Variants in PLEKHA8 observed in about 807,000 individuals in gnomAD.
The protein encoded by PLEKHA8 is pleckstrin homology domain containing A8.
Under a neutral mutation model 68.2 loss-of-function variants are expected in PLEKHA8, and 36 were observed. That is an observed-to-expected ratio of 0.53 (90% CI 0.40 to 0.70). PLEKHA8 has a LOEUF of 0.70. Among genes scored for constraint, PLEKHA8 ranks in the 30% least tolerant of loss-of-function variants. PLEKHA8 has a pLI of 0.00. For synonymous variants in PLEKHA8, 211 were observed against 216.1 expected (o/e 0.98, Z 0.20); for missense variants, 505 against 615.4 (o/e 0.82, Z 1.90).
chr7:30,048,017 A>G lies in PLEKHA8; in HGVS notation c.438+61A>G, dbSNP rs978134455. The G allele has an allele frequency of 4.2e-6, 4 of 949,818 alleles. No homozygotes were observed. The African/African-American group carries it at 5.2e-5, about 12-fold the overall frequency. The allele number at this position is 949,818 out of a possible 1,614,324, so 58.8% of individuals were successfully genotyped here. On this transcript the variant is annotated intron_variant, in intron 4 of 13. Coordinates refer to ENST00000449726, the MANE Select transcript of PLEKHA8 (RefSeq NM_001197026.2). ...GAATAATATAAAAGAAGTGACTACC[A>G]GTATATCCAATTCTGAGGTAAAATA...
chr7:30,118,176 A>G (rs1284318824), intron 13 of PLEKHA8: 1 of 550,882 alleles, frequency 1.8e-6, no homozygotes, highest in East Asian at 3.4e-5. Context: ...GGAGAGAAGG[A>G]AGTATGTGAG....
chr7:30,102,767 C>A (rs1044981778), intron 13 of PLEKHA8, among the ~76,000 whole-genome samples: 2 of 152,150 alleles, frequency 1.3e-5, no homozygotes, highest in African/African-American at 2.4e-5. Context: ...CCAGAGGGCA[C>A]CCAGGTGTGG....
At chr7:30,125,073 T>C (rs775384058) in intron 13 of PLEKHA8, among the ~76,000 whole-genome samples, 38 of 152,224 alleles carry the variant, frequency 2.5e-4, no homozygotes, top group Non-Finnish European at 4.9e-4. Flanking sequence ...AATTAGGATA[T>C]CTTTTACACC....
chr7:30,070,251 A>G (rs1794147125), intron 12 of PLEKHA8, among the ~76,000 whole-genome samples: 2 of 152,040 alleles, frequency 1.3e-5, no homozygotes, highest in South Asian at 2.1e-4. Context: ...TCTGGCCCAC[A>G]TTTTGCCAGG....
rs1795088771 is a variant in PLEKHA8 at position 30,084,338 on chromosome 7, C to T, written c.*5551C>T. On this transcript the variant is annotated 3_prime_UTR_variant, in exon 14 of 14. Transcript: ENST00000449726. ...ACGTGCAGTGTTAATGTTACCTGTT[C>T]TTGTCTCTCAGCATTTTGAATGAGC... 1.0e-6 allele frequency: 1 copy of T among 985,212 alleles called. No individual in the cohort carries two copies. The highest frequency in any genetic ancestry group is 4.7e-5 in the South Asian group (1 of 21,294). 61.0% of individuals were successfully genotyped at this position (985,212 alleles called of 1,614,324 possible).
At chr7:30,028,885 T>TAGGG in intron 1 of PLEKHA8, 83 bp downstream of exon 1, 5 of 1,220,264 alleles carry the variant, frequency 4.1e-6, no homozygotes, top group Non-Finnish European at 5.2e-6. Flanking sequence ...GGACCCGTCT[T>TAGGG]AGGGAGGGGG....
intron 12 of PLEKHA8, among the ~76,000 whole-genome samples, chr7:30,067,760 T>C (rs1332263834): frequency 1.3e-5 from 2 of 152,244 alleles, no homozygotes; most frequent in Non-Finnish European, 2.9e-5. Context: ...CTTCACTCAG[T>C]ATTTTCAGAC....
intron 2 of PLEKHA8, 110 bp downstream of exon 2, chr7:30,045,311 C>G (rs1408743892): frequency 1.3e-6 from 1 of 758,302 alleles, no homozygotes; most frequent in East Asian, 2.6e-5. Context: ...TAATACAGAC[C>G]AAGGGACATA....
At chr7:30,036,448 A>C (rs1791099978) in intron 1 of PLEKHA8, among the ~76,000 whole-genome samples, 1 of 150,434 alleles carries the variant, frequency 6.6e-6, no homozygotes, top group Non-Finnish European at 1.5e-5. Flanking sequence ...AGATAGATAG[A>C]TAGATAGATA....
chr7:30,054,776 G>A lies in PLEKHA8; in HGVS notation c.864G>A (p.Gln288=), dbSNP rs142745593. 2.4e-5 allele frequency: 38 copies of A among 1,610,436 alleles called. No homozygotes were observed. The African/African-American group carries it at 4.3e-4, about 18-fold the overall frequency. ...AAAATCATGACAATAACTTGACTCA[G>A]TCTGGATCAGACTCAAGTTGCTCTC... ...NLKNHDNNLT[Q]SGSDSSCSPE... Residue 288 remains glutamine, a synonymous_variant, in exon 8 of 14, where the codon CAG becomes CAA. Coordinates refer to ENST00000449726, the MANE Select transcript of PLEKHA8 (RefSeq NM_001197026.2).
At chr7:30,128,091 A>ATTTTTTTT (rs35173428) in intron 13 of PLEKHA8, among the ~76,000 whole-genome samples, 4 of 122,718 alleles carry the variant, frequency 3.3e-5, no homozygotes, top group Non-Finnish European at 3.4e-5. Flanking sequence ...GTTTTACTGT[A>ATTTTTTTT]TTTTTTTTTT....
intron 12 of PLEKHA8, among the ~76,000 whole-genome samples, chr7:30,067,901 T>G (rs1166829399): frequency 1.3e-5 from 2 of 152,232 alleles, no homozygotes; most frequent in African/African-American, 4.8e-5. Flanking sequence ...GATTACAGAT[T>G]TTCACCATTA....
rs1792224901 is a variant in PLEKHA8 at position 30,049,361 on chromosome 7, G to A, written c.576G>A (p.Leu192=). 1 of 1,614,042 alleles carries A rather than the reference G, an allele frequency of 6.2e-7. No individual in the cohort carries two copies. Among genetic ancestry groups the A allele is most frequent in the African/African-American group, 1.3e-5 (1 of 75,044 alleles). Residue 192 remains leucine, a synonymous_variant, in exon 5 of 14, where the codon CTG becomes CTA. Transcript: ENST00000449726. ...GCACTCCACCAGGATCACCTCAGCT[G>A]GCCATGCTCAAGTCCAGCAAGGTAA... The part of the protein sequence containing the change: ...LYRTPPGSPQ[L]AMLKSSKMKH...
At chr7:30,098,155 G>A (rs533872961) in intron 13 of PLEKHA8, among the ~76,000 whole-genome samples, 1 of 152,218 alleles carries the variant, frequency 6.6e-6, no homozygotes, top group Non-Finnish European at 1.5e-5. Context: ...TTGGTGAACC[G>A]CAAACGCTGC....
intron 1 of PLEKHA8, among the ~76,000 whole-genome samples, chr7:30,033,209 G>C (rs1790795456): frequency 6.6e-6 from 1 of 152,064 alleles, no homozygotes; most frequent in African/African-American, 2.4e-5. Context: ...AGTGATTTTA[G>C]TATATATAAA....
At chr7:30,093,063 A>G (rs979359729), downstream of PLEKHA8, among the ~76,000 whole-genome samples, 4 of 152,186 alleles carry the variant, frequency 2.6e-5, no homozygotes, top group African/African-American at 9.7e-5. Context: ...TTTTCTCTCA[A>G]TGCTTTCCTC....
At chr7:30,059,207 A>T (rs1164360401) in intron 9 of PLEKHA8, among the ~76,000 whole-genome samples, 1 of 152,242 alleles carries the variant, frequency 6.6e-6, no homozygotes, top group East Asian at 1.9e-4. Flanking sequence ...AGAATGTTCT[A>T]TCTAGTTTTT....
intron 9 of PLEKHA8, among the ~76,000 whole-genome samples, chr7:30,058,796 A>G (rs1210612000): frequency 6.6e-6 from 1 of 152,218 alleles, no homozygotes; most frequent in Non-Finnish European, 1.5e-5. Flanking sequence ...AGATTACATT[A>G]TATCTCTAAA....
At chr7:30,052,669 A>G in intron 6 of PLEKHA8, 40 bp from the exon 7 acceptor site, 1 of 1,498,464 alleles carries the variant, frequency 6.7e-7, no homozygotes, top group Non-Finnish European at 8.9e-7. Context: ...AAGACCAAAT[A>G]ACGACCTTCT....
Sources: gnomAD v4.1 joint callset for allele counts (sites outside exome capture counted in the v4.1 genomes callset) on GRCh38, gnomAD v4.1.1 for gene constraint, MANE v1.5 for transcripts, NCBI Gene and HGNC (gene_info 2026-07-23, HGNC 2026-07-21) for gene names.